The following WDR25 variants were observed in gnomAD, a reference collection of about 807,000 sequenced individuals.
WDR25 encodes WD repeat-containing protein 25.
WDR25 carries 35 observed loss-of-function variants against 47.7 expected under a neutral mutation model. The ratio of observed to expected loss-of-function variants is 0.73; its 90% CI spans 0.56 to 0.97. The LOEUF is 0.97. Ranked by LOEUF, WDR25 falls within the 50% of genes least tolerant of loss-of-function variation. The pLI is 0.00. For synonymous variants in WDR25, 248 were observed against 278.9 expected, an observed-to-expected ratio of 0.89 and a Z score of 1.10; for missense variants, 634 against 704.7, an observed-to-expected ratio of 0.90 and a Z score of 1.14.
intron 1 of WDR25, among the ~76,000 whole-genome samples, chr14:100,379,733 C>CT (rs972911555): frequency 2.7e-4 from 39 of 142,716 alleles, no homozygotes; most frequent in South Asian, 4.5e-4. Context: ...GTTTTCTTTC[C>CT]TTTTTTTTTT....
At chr14:100,402,067 CAGG>C (rs529313977) in intron 2 of WDR25, among the ~76,000 whole-genome samples, 2 of 152,232 alleles carry the variant, frequency 1.3e-5, no homozygotes, top group Admixed American at 6.5e-5. Flanking sequence ...CATAATGGCA[CAGG>C]AGGTTTTCTG....
chr14:100,434,473 C>T (rs139290474), intron 2 of WDR25, among the ~76,000 whole-genome samples: 8 of 152,228 alleles, frequency 5.3e-5, no homozygotes, highest in East Asian at 1.9e-4. Flanking sequence ...GAGCTCTTTT[C>T]GACTTCAGAC....
At chr14:100,451,460 T>G (rs999320922) in intron 2 of WDR25, among the ~76,000 whole-genome samples, 3 of 152,178 alleles carry the variant, frequency 2.0e-5, no homozygotes, top group African/African-American at 7.2e-5. Flanking sequence ...GCTCAAACGA[T>G]CTGCCCGCCT....
chr14:100,380,594 A>G (rs986015566), intron 1 of WDR25, among the ~76,000 whole-genome samples: 5 of 151,738 alleles, frequency 3.3e-5, no homozygotes, highest in Non-Finnish European at 7.4e-5. Context: ...TCCCAGGTTC[A>G]AGCGATCTCC....
At chr14:100,431,383 A>G (rs1898328718) in intron 2 of WDR25, among the ~76,000 whole-genome samples, 1 of 152,188 alleles carries the variant, frequency 6.6e-6, no homozygotes, top group Non-Finnish European at 1.5e-5. Flanking sequence ...AGTAATATAC[A>G]TTTGATAAAA....
At position 100,489,768 on chromosome 14, in the gene WDR25, C is replaced by T. The variant is rs559274771; in HGVS notation, c.1101+5644C>T. Among the ~76,000 whole-genome samples the T allele has an allele frequency of 1.7e-4, 26 of 152,242 alleles. No homozygotes were observed. In the South Asian group the frequency reaches 4.8e-3, roughly 28 times the overall value. ...CTTTTGTTGTCTAGCTCCTACTCTG[C>T]GCCTGAGAAAAAGAGTTGCAGATGC... On this transcript the variant is annotated intron_variant, in intron 4 of 6. Transcript: ENST00000402312.
rs1246863700 is a variant in WDR25 at position 100,468,049 on chromosome 14, G to A, written c.851G>A (p.Cys284Tyr). The A allele has an allele frequency of 6.2e-7, 1 of 1,613,348 alleles. No homozygotes were observed. Among genetic ancestry groups the A allele is most frequent in the Admixed American group, 1.7e-5 (1 of 60,014 alleles). ...TGGAACGCCGTGGACTCCGGGCACT[G>A]CCTGCAGACCTACTCCCTGCACACA... ...KVWNAVDSGH[C>Y]LQTYSLHTEA... The change falls in exon 3 of 7, where the codon TGC becomes TAC. Residue 284 changes from cysteine (C) to tyrosine (Y), a missense_variant. Transcript: ENST00000402312. The surrounding 1 kb of genome is among the most constrained non-coding windows in gnomAD (Gnocchi z 4.5).
intron 2 of WDR25, among the ~76,000 whole-genome samples, chr14:100,411,439 T>G (rs933302517): frequency 6.6e-6 from 1 of 152,216 alleles, no homozygotes; most frequent in Non-Finnish European, 1.5e-5. Context: ...CTTAAATACT[T>G]ATGTTGTAAC....
chr14:100,431,713 A>ATT (rs1215092627), intron 2 of WDR25, among the ~76,000 whole-genome samples: 1 of 117,510 alleles, frequency 8.5e-6, no homozygotes, highest in East Asian at 2.4e-4. Flanking sequence ...TGCCCAACTA[A>ATT]TTTTTTTTTT....
At chr14:100,475,604 A>T (rs1382124033) in intron 3 of WDR25, among the ~76,000 whole-genome samples, 1 of 152,232 alleles carries the variant, frequency 6.6e-6, no homozygotes, top group African/African-American at 2.4e-5. Flanking sequence ...CGTTGAGTAG[A>T]AAGGTGTTAC....
chr14:100,431,255 A>C (rs1300714761), intron 2 of WDR25, among the ~76,000 whole-genome samples: 2 of 152,224 alleles, frequency 1.3e-5, no homozygotes, highest in African/African-American at 4.8e-5. Context: ...ATTGAGACTT[A>C]ATTATATTTT....
chr14:100,518,033 A>C (rs1566945833), intron 4 of WDR25, among the ~76,000 whole-genome samples: 1 of 152,144 alleles, frequency 6.6e-6, no homozygotes, highest in Admixed American at 6.5e-5. Flanking sequence ...TGAAAAAATG[A>C]TTTTTTATAT....
chr14:100,428,568 G>A lies in WDR25; in HGVS notation c.823-39453G>A, dbSNP rs1001441226. ...GGTGGCCCCTGTGGTGGTCCCTGTT[G>A]ATGCCGACCTGCTAGCCTGCTCCAT... On this transcript the variant is annotated intron_variant, in intron 2 of 6. Coordinates refer to ENST00000402312, the MANE Select transcript of WDR25 (RefSeq NM_001161476.3). The surrounding 1 kb of genome is among the most constrained non-coding windows in gnomAD (Gnocchi z 4.3). 1.3e-5 allele frequency among the ~76,000 whole-genome samples: 2 copies of A among 152,296 alleles called. No homozygotes were observed. The highest frequency in any genetic ancestry group is 1.3e-4 in the Admixed American group (2 of 15,302).
At chr14:100,405,907 T>C (rs1897523585) in intron 2 of WDR25, among the ~76,000 whole-genome samples, 2 of 152,230 alleles carry the variant, frequency 1.3e-5, no homozygotes, top group South Asian at 4.1e-4. Flanking sequence ...GTGCATAGGC[T>C]TTTGAGTTTC....
chr14:100,519,832 T>G (rs1486462927), intron 4 of WDR25, among the ~76,000 whole-genome samples: 12 of 136,098 alleles, frequency 8.8e-5, no homozygotes, highest in African/African-American at 3.2e-4. Context: ...TATGTATATA[T>G]AGTATATATA....
chr14:100,442,324 GGGTA>G (rs2140248457), intron 2 of WDR25, among the ~76,000 whole-genome samples: 1 of 152,348 alleles, frequency 6.6e-6, no homozygotes, highest in African/African-American at 2.4e-5. Flanking sequence ...ACCAGGCCTT[GGGTA>G]GATGGTGGTG....
intron 2 of WDR25, among the ~76,000 whole-genome samples, chr14:100,412,502 C>T (rs1205655253): frequency 1.3e-5 from 2 of 152,138 alleles, no homozygotes; most frequent in Admixed American, 6.5e-5. Context: ...TACAGTCTTT[C>T]TGTGTTTTGT....
intron 4 of WDR25, among the ~76,000 whole-genome samples, chr14:100,519,370 A>T (rs966147611): frequency 6.6e-6 from 1 of 151,782 alleles, no homozygotes; most frequent in Non-Finnish European, 1.5e-5. Context: ...TATCTGGTAC[A>T]TGTTGCATAA....
At chr14:100,385,209 C>T (rs1459780279) in intron 2 of WDR25, among the ~76,000 whole-genome samples, 1 of 152,218 alleles carries the variant, frequency 6.6e-6, no homozygotes, top group African/African-American at 2.4e-5. Flanking sequence ...CAGCATCTGG[C>T]ACAAAATTGT....
Sources: gnomAD v4.1 joint callset for allele counts (sites outside exome capture counted in the v4.1 genomes callset) on GRCh38, gnomAD v4.1.1 for gene constraint, Gnocchi (gnomAD v3.1) non-coding constraint, MANE v1.5 for transcripts, NCBI Gene and HGNC (gene_info 2026-07-23, HGNC 2026-07-21) for gene names.